The following MIPEP variants were observed in gnomAD, a reference collection of about 807,000 sequenced individuals.
MIPEP encodes the protein mitochondrial intermediate peptidase.
Under a neutral mutation model 90.3 loss-of-function variants are expected in MIPEP, and 79 were observed. The ratio of observed to expected loss-of-function variants is 0.87; its 90% CI spans 0.73 to 1.05. The LOEUF is 1.05. Ranked by LOEUF, MIPEP falls within the 50% of genes least tolerant of loss-of-function variation. The pLI is 0.00. For missense variants in MIPEP, 940 were observed against 905.6 expected, an observed-to-expected ratio of 1.04 and a Z score of -0.49; for synonymous variants, 334 against 315.8, an observed-to-expected ratio of 1.06 and a Z score of -0.61.
chr13:23,839,025 A>C (rs1216015518), intron 12 of MIPEP, among the ~76,000 whole-genome samples: 1 of 152,256 alleles, frequency 6.6e-6, no homozygotes, highest in Non-Finnish European at 1.5e-5. Flanking sequence ...TAAACTCTTG[A>C]CATTTCCCAT....
chr13:23,862,459 G>T, intron 8 of MIPEP, 97 bp from the exon 9 acceptor site: 1 of 703,944 alleles, frequency 1.4e-6, no homozygotes, highest in Non-Finnish European at 2.5e-6. Flanking sequence ...ATATTCATAA[G>T]ATTAGATACA....
rs752506420 is a variant in MIPEP, at chr13:23,730,299, A to G, written c.*49T>C. On this transcript the variant is annotated 3_prime_UTR_variant, in exon 19 of 19. Transcript: ENST00000382172. ...CTCTCACAGCTGTAGCATTTATAACAAAGTCATTATCTACATGACCTTGAT... is the reference window on the plus strand; with the variant it reads ...CTCTCACAGCTGTAGCATTTATAACGAAGTCATTATCTACATGACCTTGAT... 8.0e-7 allele frequency: 1 copy of G among 1,243,660 alleles called. No individual in the cohort carries two copies. The highest frequency in any genetic ancestry group is 2.5e-5 in the East Asian group (1 of 40,360). 77.0% of individuals were successfully genotyped at this position (1,243,660 alleles called of 1,614,324 possible).
intron 18 of MIPEP, among the ~76,000 whole-genome samples, chr13:23,756,218 G>A (rs1409749776): frequency 3.3e-5 from 5 of 152,168 alleles, no homozygotes; most frequent in African/African-American, 7.2e-5. Context: ...GCAATGGCAC[G>A]ATTTCAGCTC....
intron 18 of MIPEP, chr13:23,747,574 A>C (rs1159304860): frequency 2.0e-6 from 1 of 510,788 alleles, no homozygotes; most frequent in Non-Finnish European, 3.9e-6. Context: ...TGAGAGACTG[A>C]ACAAGTGTGG....
At chr13:23,815,366 A>C (rs1953221805) in intron 14 of MIPEP, among the ~76,000 whole-genome samples, 1 of 150,142 alleles carries the variant, frequency 6.7e-6, no homozygotes, top group Non-Finnish European at 1.5e-5. Flanking sequence ...CCCAGGCTGG[A>C]GTGCAGTGGT....
chr13:23,808,676 G>C (rs1332601144), intron 15 of MIPEP, among the ~76,000 whole-genome samples: 2 of 152,110 alleles, frequency 1.3e-5, no homozygotes, highest in African/African-American at 4.8e-5. Context: ...AAAGATATCA[G>C]CAAATCAAGA....
At chr13:23,882,852 TACA>T (rs1301972738) in intron 2 of MIPEP, among the ~76,000 whole-genome samples, 2 of 152,082 alleles carry the variant, frequency 1.3e-5, no homozygotes, top group African/African-American at 2.4e-5. Context: ...TATGTAAATT[TACA>T]ACATTTTTTT....
chr13:23,796,439 A>C (rs1289625965), intron 16 of MIPEP, among the ~76,000 whole-genome samples: 1 of 152,132 alleles, frequency 6.6e-6, no homozygotes, highest in Non-Finnish European at 1.5e-5. Flanking sequence ...AACAAACAAA[A>C]ATTGACTATC....
chr13:23,782,678 G>T (rs973962617), intron 16 of MIPEP, among the ~76,000 whole-genome samples: 3 of 152,052 alleles, frequency 2.0e-5, no homozygotes, highest in Non-Finnish European at 4.4e-5. Context: ...CTGGTTTTTT[G>T]AAAAGATCAA....
intron 4 of MIPEP, among the ~76,000 whole-genome samples, chr13:23,875,417 A>C (rs1307333706): frequency 6.6e-6 from 1 of 152,116 alleles, no homozygotes; most frequent in African/African-American, 2.4e-5. Flanking sequence ...GCAGCTATTT[A>C]GAATATTAAA....
chr13:23,883,058 C>T (rs969308974), intron 2 of MIPEP, among the ~76,000 whole-genome samples: 3 of 152,018 alleles, frequency 2.0e-5, no homozygotes, highest in East Asian at 1.9e-4. Context: ...TGCCTTATAA[C>T]AGTACTAATC....
At chr13:23,874,732 G>A in intron 5 of MIPEP, 114 bp downstream of exon 5, 1 of 803,478 alleles carries the variant, frequency 1.2e-6, no homozygotes, top group Non-Finnish European at 1.9e-6. Flanking sequence ...TAAAAGACCT[G>A]CACGTTTTTG....
chr13:23,871,092 T>C (rs570238251), intron 5 of MIPEP, among the ~76,000 whole-genome samples: 1 of 152,272 alleles, frequency 6.6e-6, no homozygotes, highest in Non-Finnish European at 1.5e-5. Context: ...TACAGTGAAG[T>C]CTAAGAAGCA....
rs1871704659 is a variant in MIPEP, at chr13:23,889,352, C to T, written c.-32G>A. ...ACCAGAGCAGTCCCTTCCTCCAACG[C>T]AGATCCCTGCCCTGCTGCTTTCGCT... On this transcript the variant is annotated 5_prime_UTR_variant, in exon 1 of 19. Coordinates refer to ENST00000382172, the MANE Select transcript of MIPEP (RefSeq NM_005932.4). 2.3e-6 allele frequency: 3 copies of T among 1,294,936 alleles called. No individual in the cohort carries two copies. The highest frequency in any genetic ancestry group is 2.9e-6 in the Non-Finnish European group (3 of 1,020,664). 80.2% of individuals were successfully genotyped at this position (1,294,936 alleles called of 1,614,324 possible).
intron 9 of MIPEP, among the ~76,000 whole-genome samples, chr13:23,859,857 A>C (rs1231470757): frequency 6.6e-6 from 1 of 152,182 alleles, no homozygotes; most frequent in Admixed American, 6.5e-5. Flanking sequence ...CTCCAATAAC[A>C]AGGTGTTATT....
chr13:23,759,309 C>A (rs970085726), intron 17 of MIPEP, among the ~76,000 whole-genome samples: 1 of 151,944 alleles, frequency 6.6e-6, no homozygotes. Flanking sequence ...CCAGACAGCA[C>A]GGGAACCCTC....
At chr13:23,804,808 A>T (rs1953088092) in intron 16 of MIPEP, among the ~76,000 whole-genome samples, 1 of 152,206 alleles carries the variant, frequency 6.6e-6, no homozygotes, top group Admixed American at 6.5e-5. Flanking sequence ...ATATTCTGCT[A>T]TCCAATCTTA....
At chr13:23,771,848 C>G (rs1246921754) in intron 16 of MIPEP, among the ~76,000 whole-genome samples, 1 of 152,146 alleles carries the variant, frequency 6.6e-6, no homozygotes, top group Non-Finnish European at 1.5e-5. Flanking sequence ...CTTATTTTCT[C>G]ATTTTAATGG....
intron 14 of MIPEP, among the ~76,000 whole-genome samples, chr13:23,833,431 T>C (rs528094970): frequency 6.6e-6 from 1 of 152,334 alleles, no homozygotes; most frequent in East Asian, 1.9e-4. Flanking sequence ...ACTGGATCCA[T>C]CTTCTGTGTC....
Sources: allele counts gnomAD v4.1 joint callset (sites outside exome capture counted in the v4.1 genomes callset), GRCh38; gene constraint gnomAD v4.1.1; transcripts MANE v1.5; gene names NCBI Gene and HGNC (gene_info 2026-07-23, HGNC 2026-07-21).